Variants in SLC16A7 observed in about 807,000 individuals in gnomAD.
SLC16A7 encodes the protein solute carrier family 16 member 7.
In SLC16A7, 33 loss-of-function variants were observed where a neutral mutation model predicts 34.9. That is an observed-to-expected ratio of 0.94 (90% CI 0.72 to 1.26). The LOEUF is 1.26. SLC16A7 is among the 50% of genes most tolerant of loss of function. SLC16A7 has a pLI of 0.00. For missense variants in SLC16A7, 573 were observed against 578.1 expected, an observed-to-expected ratio of 0.99 and a Z score of 0.09; for synonymous variants, 201 against 206.6, an observed-to-expected ratio of 0.97 and a Z score of 0.23.
intron 3 of SLC16A7, among the ~76,000 whole-genome samples, chr12:59,728,879 AG>A (rs1876604045): frequency 1.3e-5 from 2 of 152,238 alleles, no homozygotes; most frequent in South Asian, 4.1e-4. Context: ...AGAGGAAAAT[AG>A]GAACCTAGAA....
chr12:59,597,483 T>C (rs935352148), intron 1 of SLC16A7, among the ~76,000 whole-genome samples: 1 of 152,170 alleles, frequency 6.6e-6, no homozygotes, highest in Non-Finnish European at 1.5e-5. Context: ...CCATGCTTCA[T>C]GGCTAACCCC....
intron 3 of SLC16A7, among the ~76,000 whole-genome samples, chr12:59,715,746 A>G (rs1420400085): frequency 6.6e-6 from 1 of 152,216 alleles, no homozygotes; most frequent in Non-Finnish European, 1.5e-5. Flanking sequence ...GTAGATAAAT[A>G]TGTAAATATA....
rs1261458087 is a variant in SLC16A7, at chr12:59,771,188, T to C, written c.218-31T>C. ...TAAACAAATAAATGACAAGAGCAAC[T>C]GAGTATTTCTTTATCTCCTCTCTGC... On this transcript the variant is annotated intron_variant, in intron 3 of 5. Coordinates refer to ENST00000547379, the MANE Select transcript of SLC16A7 (RefSeq NM_001270623.2). The C allele has an allele frequency of 2.5e-6, 4 of 1,585,464 alleles. No homozygotes were observed. The Admixed American group carries it at 5.4e-5, about 21-fold the overall frequency.
intron 3 of SLC16A7, among the ~76,000 whole-genome samples, chr12:59,710,846 C>A (rs1273546318): frequency 6.6e-6 from 1 of 152,104 alleles, no homozygotes; most frequent in Non-Finnish European, 1.5e-5. Context: ...GTATACAAAT[C>A]AGAGGAGAAG....
chr12:59,613,115 A>G (rs921446343), intron 1 of SLC16A7, among the ~76,000 whole-genome samples: 2 of 152,256 alleles, frequency 1.3e-5, no homozygotes, highest in Admixed American at 6.5e-5. Flanking sequence ...AAGAGGTTTA[A>G]TTGACTAACA....
At chr12:59,606,053 G>A (rs1878923901) in intron 1 of SLC16A7, among the ~76,000 whole-genome samples, 1 of 152,068 alleles carries the variant, frequency 6.6e-6, no homozygotes, top group African/African-American at 2.4e-5. Flanking sequence ...GGCATATATT[G>A]AGGCAGAACT....
chr12:59,785,719 G>A lies in SLC16A7; in HGVS notation c.*6040G>A, dbSNP rs992909965. 40 of 151,956 alleles carry A rather than the reference G, an allele frequency of 2.6e-4. No homozygotes were observed. The highest frequency in any genetic ancestry group is 9.4e-4 in the African/African-American group (39 of 41,368). The allele number at this position is 151,956 out of a possible 1,614,324, so 9.4% of individuals were successfully genotyped here. ...AGCAATATTCAGGAATATTTCAGTA[G>A]GCAATTAATGATCATAAATTTATTC... On this transcript the variant is annotated 3_prime_UTR_variant, in exon 6 of 6. Transcript: ENST00000547379.
intron 3 of SLC16A7, among the ~76,000 whole-genome samples, chr12:59,723,372 T>G (rs931628444): frequency 6.6e-6 from 1 of 151,930 alleles, no homozygotes; most frequent in Admixed American, 6.6e-5. Context: ...CCAGGAATTA[T>G]GGTAGATATT....
chr12:59,714,359 A>T (rs535874029), intron 3 of SLC16A7, among the ~76,000 whole-genome samples: 1 of 152,352 alleles, frequency 6.6e-6, no homozygotes, highest in East Asian at 1.9e-4. Flanking sequence ...CCATAAAATA[A>T]TATCACAGAC....
In SLC16A7 at chr12:59,789,188, A is replaced by G. The variant is rs1454843336; in HGVS notation, c.*9509A>G. The G allele has an allele frequency of 1.3e-5, 2 of 152,114 alleles. No individual in the cohort carries two copies. The highest frequency in any genetic ancestry group is 2.9e-5 in the Non-Finnish European group (2 of 67,968). The allele number at this position is 152,114 out of a possible 1,614,324, so 9.4% of individuals were successfully genotyped here. The stretch of plus-strand genomic sequence containing the variant: ...TCTAGCAAAGTGCCAGGCATAGAGT[A>G]TTCCTTTATTGAAATGAATTGATAG... On this transcript the variant is annotated 3_prime_UTR_variant, in exon 6 of 6. Transcript: ENST00000547379.
chr12:59,650,385 T>C (rs1298123453), intron 1 of SLC16A7, among the ~76,000 whole-genome samples: 5 of 152,168 alleles, frequency 3.3e-5, no homozygotes, highest in Admixed American at 1.3e-4. Flanking sequence ...ATTTGGTGTC[T>C]TTTCATGAAA....
At chr12:59,668,943 A>G (rs957769716) in intron 2 of SLC16A7, among the ~76,000 whole-genome samples, 2 of 152,178 alleles carry the variant, frequency 1.3e-5, no homozygotes, top group Admixed American at 6.6e-5. Context: ...GCCTGTTGCC[A>G]TGTTAGACAT....
At chr12:59,672,073 A>ATATATGCGTATATACG (rs1869866544) in intron 2 of SLC16A7, among the ~76,000 whole-genome samples, 2 of 12 alleles carry the variant, frequency 0.17, 1 homozygote, top group Non-Finnish European at 0.5. Context: ...ATATATCCGT[A>ATATATGCGTATATACG]TATATATGTG....
chr12:59,702,342 C>A (rs947913236), intron 2 of SLC16A7, among the ~76,000 whole-genome samples: 3 of 151,874 alleles, frequency 2.0e-5, no homozygotes, highest in African/African-American at 4.8e-5. Context: ...AACCTATCTT[C>A]CAATTAATAG....
intron 3 of SLC16A7, among the ~76,000 whole-genome samples, chr12:59,766,307 T>C (rs969001623): frequency 5.4e-4 from 82 of 152,332 alleles, no homozygotes; most frequent in Non-Finnish European, 9.3e-4. Context: ...CTTTTCCTAA[T>C]TGAATGCCGT....
At chr12:59,740,063 T>C (rs1878118237) in intron 3 of SLC16A7, among the ~76,000 whole-genome samples, 1 of 151,474 alleles carries the variant, frequency 6.6e-6, no homozygotes, top group South Asian at 2.1e-4. Context: ...ATCCCATTTG[T>C]CAATTTTGGC....
intron 5 of SLC16A7, among the ~76,000 whole-genome samples, chr12:59,778,096 A>G (rs995548732): frequency 6.6e-6 from 1 of 152,084 alleles, no homozygotes; most frequent in African/African-American, 2.4e-5. Context: ...TATTGTGAAT[A>G]GTGCCGCAAT....
chr12:59,652,532 A>C (rs1026684221), intron 1 of SLC16A7, among the ~76,000 whole-genome samples: 1 of 151,948 alleles, frequency 6.6e-6, no homozygotes, highest in East Asian at 1.9e-4. Flanking sequence ...CTTTCTAAAA[A>C]GTATGACCAT....
At chr12:59,619,387 G>A (rs569421927) in intron 1 of SLC16A7, among the ~76,000 whole-genome samples, 48 of 152,052 alleles carry the variant, frequency 3.2e-4, no homozygotes, top group South Asian at 2.7e-3. Flanking sequence ...TCAATTAAAA[G>A]GTTTGCAGGC....
Sources: gnomAD v4.1 joint callset for allele counts (sites outside exome capture counted in the v4.1 genomes callset) on GRCh38, gnomAD v4.1.1 for gene constraint, MANE v1.5 for transcripts, NCBI Gene and HGNC (gene_info 2026-07-23, HGNC 2026-07-21) for gene names.